FANK1: variants seen among roughly 807,000 people sequenced by gnomAD.
FANK1 encodes the protein fibronectin type III and ankyrin repeat domains 1.
In FANK1, 44 loss-of-function variants were observed where a neutral mutation model predicts 45.3. The observed-to-expected ratio is 0.97, with a 90% CI of 0.76 to 1.25. FANK1 has a LOEUF of 1.25. Among genes scored for constraint, FANK1 ranks in the 50% most tolerant of loss-of-function variants. The probability of loss-of-function intolerance (pLI) is 0.00; values close to 1 mark genes in which losing one functional copy is unlikely to be tolerated. For missense variants in FANK1, 391 were observed against 424.4 expected (o/e 0.92, Z 0.69); for synonymous variants, 149 against 152.5 (o/e 0.98, Z 0.17).
chr10:125,956,812 CATT>C (rs1318728773), intron 1 of FANK1, among the ~76,000 whole-genome samples: 1 of 152,148 alleles, frequency 6.6e-6, no homozygotes, highest in Non-Finnish European at 1.5e-5. Flanking sequence ...ACGTAAAACT[CATT>C]ATAGATTTGT....
At chr10:125,966,382 A>G (rs10901485) in intron 1 of FANK1, among the ~76,000 whole-genome samples, 105,952 of 151,922 alleles carry the variant, frequency 0.7, 38,157 homozygotes, top group South Asian at 0.8. Flanking sequence ...AGATTAGAAT[A>G]TATGTAAACT....
At chr10:125,971,811 A>G (rs1474995847) in intron 1 of FANK1, among the ~76,000 whole-genome samples, 3 of 151,958 alleles carry the variant, frequency 2.0e-5, no homozygotes, top group Non-Finnish European at 4.4e-5. Context: ...TTTAGTAGAG[A>G]CAGGGTTTCA....
intron 1 of FANK1, among the ~76,000 whole-genome samples, chr10:125,978,318 TAAA>T (rs3067248): frequency 0.34 from 52,266 of 151,738 alleles, 9,620 homozygotes; most frequent in South Asian, 0.45. Flanking sequence ...GGGACCCACT[TAAA>T]AAAGTGGCCA....
intron 7 of FANK1, among the ~76,000 whole-genome samples, chr10:126,007,838 A>G (rs1244918109): frequency 1.3e-5 from 2 of 152,198 alleles, no homozygotes; most frequent in Admixed American, 6.5e-5. Flanking sequence ...AAAACACTAA[A>G]TTGAGAGATT....
chr10:125,916,954 A>G (rs190969165), intron 1 of FANK1, among the ~76,000 whole-genome samples: 3 of 152,286 alleles, frequency 2.0e-5, no homozygotes, highest in Admixed American at 2.0e-4. Context: ...TCGAATCTGA[A>G]TGATACGTCC....
chr10:125,988,558 G>C lies in FANK1; in HGVS notation c.199G>C (p.Ala67Pro). The C allele has an allele frequency of 6.2e-7, 1 of 1,614,124 alleles. No individual in the cohort carries two copies. The highest frequency in any genetic ancestry group is 8.5e-7 in the Non-Finnish European group (1 of 1,179,990). The change falls in exon 3 of 11, where the codon GCA (alanine) becomes CCA (proline). Residue 67 changes from alanine to proline, a missense_variant. Coordinates refer to ENST00000368693, the MANE Select transcript of FANK1 (RefSeq NM_145235.5). Reference protein sequence around the residue: ...HTYGIIYTGYATKHVVEGLEP... With the variant: ...HTYGIIYTGYPTKHVVEGLEP... ...TTGTCTCCTCCTGTCTAGGGGATAT[G>C]CAACGAAGCATGTTGTTGAAGGTCT...
chr10:125,914,359 C>T (rs2134119487), intron 1 of FANK1, among the ~76,000 whole-genome samples: 1 of 151,558 alleles, frequency 6.6e-6, no homozygotes, highest in African/African-American at 2.4e-5. Context: ...GTGTAAGCTT[C>T]ATGAGGACAG....
Position 125,988,538 on chromosome 10 carries a change from T to C in FANK1, c.192-13T>C, listed in dbSNP as rs763028299. The stretch of plus-strand genomic sequence containing the variant: ...ACCTGGTGTTATCAGCATGTTTGTC[T>C]CCTCCTGTCTAGGGGATATGCAACG... On this transcript the variant is annotated splice_polypyrimidine_tract_variant and intron_variant, in intron 2 of 10. Transcript: ENST00000368693. The C allele has an allele frequency of 1.2e-6, 2 of 1,612,574 alleles. No homozygotes were observed. The highest frequency in any genetic ancestry group is 4.5e-5 in the East Asian group (2 of 44,824).
At chr10:125,996,221 A>G (rs1317847012) in intron 4 of FANK1, among the ~76,000 whole-genome samples, 2 of 152,208 alleles carry the variant, frequency 1.3e-5, no homozygotes, top group Non-Finnish European at 2.9e-5. Flanking sequence ...AGCAGTGAAG[A>G]CACTGTCCTC....
chr10:125,905,509 C>T (rs1482327943), intron 1 of FANK1, among the ~76,000 whole-genome samples: 3 of 152,076 alleles, frequency 2.0e-5, no homozygotes, highest in South Asian at 2.1e-4. Flanking sequence ...TGTAGGTGTA[C>T]AACCTTTCAA....
chr10:125,939,970 G>T (rs1373781923), intron 1 of FANK1, among the ~76,000 whole-genome samples: 2 of 149,806 alleles, frequency 1.3e-5, no homozygotes, highest in Admixed American at 6.7e-5. Flanking sequence ...TCGCTCTGTT[G>T]CCCAGGCTGG....
At chr10:125,913,084 TGAAAACA>T (rs1564863111) in intron 1 of FANK1, among the ~76,000 whole-genome samples, 1 of 152,222 alleles carries the variant, frequency 6.6e-6, no homozygotes, top group Non-Finnish European at 1.5e-5. Context: ...TTTTGTTTCC[TGAAAACA>T]GAAAAGTATG....
chr10:125,963,833 G>GTA (rs765908039), intron 1 of FANK1, among the ~76,000 whole-genome samples: 2 of 152,102 alleles, frequency 1.3e-5, no homozygotes, highest in Admixed American at 6.5e-5. Flanking sequence ...CATGGCACAT[G>GTA]TATATATATG....
At position 125,925,585 on chromosome 10, in the gene FANK1, T is replaced by G. The variant is rs77326011; in HGVS notation, c.13+28930T>G. On this transcript the variant is annotated intron_variant, in intron 1 of 10. Transcript: ENST00000368693. ...ATAATTGTTTTTATTTCTTTAGAGA[T>G]AGAGTTTGGCTATATTGCCAAGGCT... Among the ~76,000 whole-genome samples, 1,779 of 152,290 alleles carry G rather than the reference T, an allele frequency of 0.012. 99 individuals carry two copies. In the East Asian group the frequency reaches 0.15, roughly 13 times the overall value.
At chr10:125,950,486 C>T (rs1949133875) in intron 1 of FANK1, among the ~76,000 whole-genome samples, 1 of 151,938 alleles carries the variant, frequency 6.6e-6, no homozygotes, top group Non-Finnish European at 1.5e-5. Context: ...CAGAAGAAGA[C>T]ATTTATGCAG....
intron 1 of FANK1, among the ~76,000 whole-genome samples, chr10:125,951,765 A>G (rs1048205974): frequency 2.0e-5 from 3 of 152,046 alleles, no homozygotes; most frequent in Admixed American, 2.0e-4. Context: ...TTTGGTTTCC[A>G]CTAAGATACC....
intron 3 of FANK1, 72 bp downstream of exon 3, chr10:125,988,747 T>G: frequency 6.2e-7 from 1 of 1,611,176 alleles, no homozygotes; most frequent in Non-Finnish European, 8.5e-7. Context: ...AGAAAAAATA[T>G]TCTGCCTCTC....
intron 1 of FANK1, among the ~76,000 whole-genome samples, chr10:125,944,079 ATTC>A (rs1410292001): frequency 2.0e-5 from 3 of 152,218 alleles, no homozygotes; most frequent in Non-Finnish European, 1.5e-5. Context: ...CGTTTGAATT[ATTC>A]TTGTGTATAC....
chr10:126,001,800 G>C (rs7916114), intron 6 of FANK1, among the ~76,000 whole-genome samples: 88,297 of 151,640 alleles, frequency 0.58, 27,176 homozygotes, highest in Non-Finnish European at 0.68. Context: ...GTCTCAATGA[G>C]CTCATTGCTG....
Sources: allele counts gnomAD v4.1 joint callset (sites outside exome capture counted in the v4.1 genomes callset), GRCh38; gene constraint gnomAD v4.1.1; transcripts MANE v1.5; gene names NCBI Gene and HGNC (gene_info 2026-07-23, HGNC 2026-07-21).